Variants in MTR observed in about 807,000 individuals in gnomAD.
MTR encodes the protein methionine synthase.
MTR carries 84 observed loss-of-function variants against 154.8 expected under a neutral mutation model. That is an observed-to-expected ratio of 0.54 (90% CI 0.45 to 0.65). MTR has a LOEUF of 0.65. Ranked by LOEUF, MTR falls within the 30% of genes least tolerant of loss-of-function variation. The pLI is 0.00. For synonymous variants in MTR, 554 were observed against 553.9 expected (o/e 1.00, Z 0.00); for missense variants, 1,275 against 1,570.2 (o/e 0.81, Z 3.18).
At chr1:236,887,880 G>A (rs1330632412) in intron 27 of MTR, among the ~76,000 whole-genome samples, 1 of 152,254 alleles carries the variant, frequency 6.6e-6, no homozygotes, top group African/African-American at 2.4e-5. Flanking sequence ...CTCTGCAGCA[G>A]CATGTTCTCT....
At chr1:236,841,350 C>T (rs915555346) in intron 15 of MTR, among the ~76,000 whole-genome samples, 5 of 152,188 alleles carry the variant, frequency 3.3e-5, no homozygotes, top group Non-Finnish European at 7.3e-5. Flanking sequence ...CTTTCTCACT[C>T]TTTATTTGTT....
chr1:236,838,701 C>T lies in MTR; in HGVS notation c.1515+102C>T, dbSNP rs149779530. On this transcript the variant is annotated intron_variant, in intron 15 of 32. Coordinates refer to ENST00000366577, the MANE Select transcript of MTR (RefSeq NM_000254.3). The stretch of plus-strand genomic sequence containing the variant: ...AGCTACATATATACATACACATATA[C>T]ATTTATCTCTTTCCATATACATTCA... 15,913 of 1,192,770 alleles carry T rather than the reference C, an allele frequency of 0.013. 256 individuals are homozygous for T. The highest frequency in any genetic ancestry group is 0.05 in the South Asian group (3,914 of 78,306). The allele number at this position is 1,192,770 out of a possible 1,614,324, so 73.9% of individuals were successfully genotyped here. A position where few individuals can be genotyped will look rare whatever the true frequency, so the allele number is the denominator to read the frequency against.
intron 20 of MTR, 64 bp from the exon 21 acceptor site, chr1:236,862,172 A>G (rs910189600): frequency 1.5e-6 from 2 of 1,342,946 alleles, no homozygotes; most frequent in African/African-American, 2.9e-5. Context: ...AAATTTCACA[A>G]GTGGCCATCA....
intron 1 of MTR, among the ~76,000 whole-genome samples, chr1:236,798,792 TG>T: frequency 6.6e-6 from 1 of 152,354 alleles, no homozygotes; most frequent in East Asian, 1.9e-4. Context: ...CCTAATGAAC[TG>T]AATACAGATA....
chr1:236,806,313 G>A (rs937553404), intron 3 of MTR, 80 bp downstream of exon 3: 31 of 1,126,536 alleles, frequency 2.8e-5, no homozygotes, highest in Non-Finnish European at 3.7e-5. Flanking sequence ...GTAAAGCACT[G>A]GAAGCTGCAG....
At position 236,812,850 on chromosome 1, in the gene MTR, T is replaced by A. The variant is rs369006726; in HGVS notation, c.609+6T>A. On this transcript the variant is annotated splice_donor_region_variant and intron_variant, in intron 6 of 32. Transcript: ENST00000366577. ...TTGATACTGCCAATGCCAAGGTGAG[T>A]TAAGGGAGAAAAAACAGACAAGGCT... 4.3e-5 allele frequency: 69 copies of A among 1,612,336 alleles called. No homozygotes were observed. The highest frequency in any genetic ancestry group is 5.5e-5 in the Non-Finnish European group (65 of 1,178,596).
In MTR at chr1:236,874,643, A is replaced by G. The variant is rs1275355864; in HGVS notation, c.2474-83A>G. 2.5e-6 allele frequency: 3 copies of G among 1,219,584 alleles called. No individual in the cohort carries two copies. In the Admixed American group the frequency reaches 8.0e-5, roughly 33 times the overall value. 75.5% of individuals were successfully genotyped at this position (1,219,584 alleles called of 1,614,324 possible). On this transcript the variant is annotated intron_variant, in intron 23 of 32. Coordinates refer to ENST00000366577, the MANE Select transcript of MTR (RefSeq NM_000254.3). ...TTGGTCTTCATTACAAAGTTTTTTA[A>G]ATGGATCTTCATCCTTTTCCTTTTT...
chr1:236,827,024 A>G (rs1047785821), intron 11 of MTR, 128 bp downstream of exon 11: 14 of 833,058 alleles, frequency 1.7e-5, no homozygotes, highest in South Asian at 1.2e-4. Context: ...TCTAACCCCT[A>G]CTGTTTCAGA....
chr1:236,881,418 C>T (rs1320436923), intron 25 of MTR, among the ~76,000 whole-genome samples: 1 of 152,042 alleles, frequency 6.6e-6, no homozygotes, highest in Non-Finnish European at 1.5e-5. Context: ...TGGGGTGCAC[C>T]CGAGAGGCAG....
At chr1:236,866,270 C>G (rs1286606023) in intron 22 of MTR, among the ~76,000 whole-genome samples, 1 of 152,100 alleles carries the variant, frequency 6.6e-6, no homozygotes, top group Non-Finnish European at 1.5e-5. Flanking sequence ...ATATTTCAAA[C>G]CTTATTATTG....
chr1:236,881,660 TC>T (rs1464712420), intron 25 of MTR, among the ~76,000 whole-genome samples: 1 of 152,144 alleles, frequency 6.6e-6, no homozygotes, highest in African/African-American at 2.4e-5. Context: ...CTGCGAGACT[TC>T]CAGTGATGCC....
intron 16 of MTR, among the ~76,000 whole-genome samples, 186 bp from the exon 17 acceptor site, chr1:236,852,335 G>A (rs1041555624): frequency 6.6e-6 from 1 of 152,072 alleles, no homozygotes; most frequent in African/African-American, 2.4e-5. Context: ...TTACGAAGCA[G>A]CGCCTTTGTA....
chr1:236,848,763 C>A (rs527414952), intron 15 of MTR, among the ~76,000 whole-genome samples: 19 of 152,106 alleles, frequency 1.2e-4, no homozygotes, highest in Non-Finnish European at 2.4e-4. Flanking sequence ...AGTCTCACCC[C>A]ACCAGCTGCA....
intron 6 of MTR, among the ~76,000 whole-genome samples, chr1:236,813,322 G>A (rs1661409967): frequency 6.6e-6 from 1 of 152,078 alleles, no homozygotes; most frequent in Non-Finnish European, 1.5e-5. Context: ...GCACATAAGT[G>A]TATATGGAGA....
At chr1:236,817,131 C>T (rs1258270162) in intron 8 of MTR, among the ~76,000 whole-genome samples, 1 of 152,170 alleles carries the variant, frequency 6.6e-6, no homozygotes, top group Non-Finnish European at 1.5e-5. Context: ...TTAAAAATAA[C>T]TCCCTATTTA....
In MTR at chr1:236,797,271, C is replaced by T. The variant is rs1660447345; in HGVS notation, c.34+1534C>T. 3.9e-5 allele frequency among the ~76,000 whole-genome samples: 6 copies of T among 152,234 alleles called. No individual in the cohort carries two copies. In the South Asian group the frequency reaches 6.2e-4, roughly 16 times the overall value. ...CTAATAACCCTTAGTAATTTACTGG[C>T]GTACAATCTTAATGAAATTTTAATG... On this transcript the variant is annotated intron_variant, in intron 1 of 32. Transcript: ENST00000366577.
intron 18 of MTR, among the ~76,000 whole-genome samples, chr1:236,853,926 GA>G (rs1179621765): frequency 2.0e-5 from 3 of 152,182 alleles, no homozygotes; most frequent in Admixed American, 2.0e-4. Flanking sequence ...TCAGTTTAAG[GA>G]AAGTTGAGAT....
chr1:236,800,730 A>G (rs906066272), intron 1 of MTR, among the ~76,000 whole-genome samples: 4 of 152,206 alleles, frequency 2.6e-5, no homozygotes, highest in African/African-American at 9.6e-5. Context: ...TAATACCAAC[A>G]TAATAAGAGT....
At chr1:236,825,293 A>ATT (rs5781926) in intron 9 of MTR, 45 bp from the exon 10 acceptor site, 1 of 1,434,346 alleles carries the variant, frequency 7.0e-7, no homozygotes, top group Non-Finnish European at 9.8e-7. Flanking sequence ...TACAGTGTAT[A>ATT]TTTTTAAGGC....
Sources: gnomAD v4.1 joint callset for allele counts (sites outside exome capture counted in the v4.1 genomes callset) on GRCh38, gnomAD v4.1.1 for gene constraint, MANE v1.5 for transcripts, NCBI Gene and HGNC (gene_info 2026-07-23, HGNC 2026-07-21) for gene names.